Variants in CCT8 observed in about 807,000 individuals in gnomAD.
The protein encoded by CCT8 is T-complex protein 1 subunit theta.
In CCT8, 10 loss-of-function variants were observed where a neutral mutation model predicts 65.7. That is an observed-to-expected ratio of 0.15 (90% CI 0.09 to 0.26). The LOEUF (loss-of-function observed/expected upper bound fraction) is 0.26, where lower values mean the gene tolerates loss of function less well. Among genes scored for constraint, CCT8 ranks in the 10% least tolerant of loss-of-function variants. The pLI, the probability that CCT8 is intolerant of heterozygous loss-of-function variation, is 1.00. For missense variants in CCT8, 568 were observed against 669.1 expected (o/e 0.85, Z 1.67); for synonymous variants, 199 against 221.8 (o/e 0.90, Z 0.92).
chr21:29,057,987 C>T (rs994508595), intron 14 of CCT8: 13 of 151,858 alleles, frequency 8.6e-5, no homozygotes, highest in Non-Finnish European at 1.6e-4. Flanking sequence ...CCACTGTCCT[C>T]CAGCCTGGGT....
At chr21:29,073,418 G>A (rs974336973) in intron 1 of CCT8, 113 bp downstream of exon 1, 7 of 1,554,918 alleles carry the variant, frequency 4.5e-6, no homozygotes, top group Admixed American at 3.8e-5. Context: ...CTCTTCCCCC[G>A]GCCGCTGAGC....
intron 1 of CCT8, chr21:29,071,883 C>G (rs2085684000): frequency 1.4e-6 from 1 of 695,788 alleles, no homozygotes; most frequent in East Asian, 2.7e-5. Context: ...GGATAAAATG[C>G]AAATCCCTTT....
Position 29,056,701 on chromosome 21 carries a change from G to C in CCT8, c.1570-149C>G, listed in dbSNP as rs1000658467. ...AAACACTACAGCACAGAGTTTGCTAGCTCCCTTGTTAGAAATTCAATTGTA... is the reference window on the plus strand; with the variant it reads ...AAACACTACAGCACAGAGTTTGCTACCTCCCTTGTTAGAAATTCAATTGTA... On this transcript the variant is annotated intron_variant, in intron 14 of 14. Coordinates refer to ENST00000286788, the MANE Select transcript of CCT8 (RefSeq NM_006585.4). The C allele has an allele frequency of 2.9e-5, 12 of 418,842 alleles. No homozygotes were observed. The Admixed American group carries it at 5.3e-4, about 18-fold the overall frequency. 25.9% of individuals were successfully genotyped at this position (418,842 alleles called of 1,614,324 possible).
In CCT8 at chr21:29,056,458, T is replaced by A; in HGVS notation, c.*17A>T. The A allele has an allele frequency of 6.9e-7, 1 of 1,455,714 alleles. No individual in the cohort carries two copies. Among genetic ancestry groups the A allele is most frequent in the Non-Finnish European group, 9.2e-7 (1 of 1,081,928 alleles). 90.2% of individuals were successfully genotyped at this position (1,455,714 alleles called of 1,614,324 possible). On this transcript the variant is annotated 3_prime_UTR_variant, in exon 15 of 15. Coordinates refer to ENST00000286788, the MANE Select transcript of CCT8 (RefSeq NM_006585.4). Reference sequence around the variant, plus strand: ...CTACAAATACAGCCTTCACCTACAGTAAAAATTAAGCCAATTTCAATCATT... The same window carrying A: ...CTACAAATACAGCCTTCACCTACAGAAAAAATTAAGCCAATTTCAATCATT...
chr21:29,066,631 A>ATTT, intron 6 of CCT8, 85 bp downstream of exon 6: 9 of 666,624 alleles, frequency 1.4e-5, no homozygotes, highest in South Asian at 2.3e-5. Context: ...AGATGAACAC[A>ATTT]TTTTTTTTTT....
rs774025731 is a variant in CCT8, at chr21:29,060,575, G to A, written c.1535C>T (p.Thr512Ile). 1 of 1,613,850 alleles carries A rather than the reference G, an allele frequency of 6.2e-7. No homozygotes were observed. The highest frequency in any genetic ancestry group is 1.7e-5 in the Admixed American group (1 of 60,014). Residue 512 changes from threonine (T) to isoleucine (I), a missense_variant, in exon 14 of 15, where the codon ACT (threonine) becomes ATT (isoleucine). Thr to Ile is a moderately conservative substitution (Grantham distance 89, BLOSUM62 -1). Coordinates refer to ENST00000286788, the MANE Select transcript of CCT8 (RefSeq NM_006585.4). ...TCTAAGTACAGTGACTGCAGCATTAGTAGCGAGTTTGATAGCCCAATATTT... is the reference window on the plus strand; with the variant it reads ...TCTAAGTACAGTGACTGCAGCATTAATAGCGAGTTTGATAGCCCAATATTT... ...LGKYWAIKLA[T>I]NAAVTVLRVD...
intron 13 of CCT8, 131 bp downstream of exon 13, chr21:29,061,121 TA>T: frequency 1.3e-6 from 1 of 752,186 alleles, no homozygotes; most frequent in Non-Finnish European, 2.2e-6. Flanking sequence ...ACAACCTATG[TA>T]AAAACTAAGA....
intron 1 of CCT8, 80 bp from the exon 2 acceptor site, chr21:29,070,417 C>T (rs1353447688): frequency 1.3e-6 from 1 of 778,232 alleles, no homozygotes; most frequent in Non-Finnish European, 2.0e-6. Context: ...GATATCTTTG[C>T]TTATATCTTG....
Position 29,060,653 on chromosome 21 carries a change from A to T in CCT8, c.1457T>A (p.Val486Asp), listed in dbSNP as rs749225813. The part of the protein sequence containing the change: ...KNVGLDIEAE[V>D]PAVKDMLEAG... Reference sequence around the variant, plus strand: ...TTCCAGCATGTCCTTTACAGCAGGGACTTCAGCCTGTCAAACACAATTTTC... The same window carrying T: ...TTCCAGCATGTCCTTTACAGCAGGGTCTTCAGCCTGTCAAACACAATTTTC... The change falls in exon 14 of 15, where the codon GTC (valine) becomes GAC (aspartate). Residue 486 changes from valine to aspartate, a missense_variant. By Grantham distance (152) the Val-to-Asp change is radical (BLOSUM62 -3). Transcript: ENST00000286788. The T allele has an allele frequency of 1.2e-6, 2 of 1,611,856 alleles. No homozygotes were observed. Among genetic ancestry groups the T allele is most frequent in the Non-Finnish European group, 1.7e-6 (2 of 1,179,262 alleles).
Position 29,062,121 on chromosome 21 carries a change from T to A in CCT8, c.1212+7A>T, listed in dbSNP as rs746174135. 3.8e-5 allele frequency: 59 copies of A among 1,557,246 alleles called. 1 individual carries two copies. In the South Asian group the frequency reaches 6.1e-4, roughly 16 times the overall value. Reference sequence around the variant, plus strand: ...TACAAACTACTAAGAATATTGCTGATACTGACCCTTGTAAGAACTTTGAAA... The same window carrying A: ...TACAAACTACTAAGAATATTGCTGAAACTGACCCTTGTAAGAACTTTGAAA... On this transcript the variant is annotated splice_region_variant and intron_variant, in intron 11 of 14. Transcript: ENST00000286788.
chr21:29,071,587 A>C (rs2085680911), intron 1 of CCT8, among the ~76,000 whole-genome samples: 1 of 151,906 alleles, frequency 6.6e-6, no homozygotes, highest in African/African-American at 2.4e-5. Context: ...TGAGAGGCGG[A>C]GTTTCACCAT....
chr21:29,073,226 C>T, intron 1 of CCT8: 1 of 1,265,654 alleles, frequency 7.9e-7, no homozygotes, highest in Non-Finnish European at 1.0e-6. Context: ...GGTGACGGGC[C>T]TTAGCCCCAT....
chr21:29,064,055 G>A (rs764319361), intron 7 of CCT8, among the ~76,000 whole-genome samples: 9 of 152,128 alleles, frequency 5.9e-5, no homozygotes, highest in South Asian at 2.1e-4. Context: ...TACCGTGCCC[G>A]GCCGAGAAGT....
intron 14 of CCT8, among the ~76,000 whole-genome samples, chr21:29,057,461 G>T (rs758838864): frequency 6.6e-6 from 1 of 151,510 alleles, no homozygotes; most frequent in Non-Finnish European, 1.5e-5. Flanking sequence ...CACTGCGCTC[G>T]GCTGGAAAAC....
chr21:29,063,608 G>A (rs1228690885), intron 7 of CCT8, 78 bp from the exon 8 acceptor site: 5 of 1,439,630 alleles, frequency 3.5e-6, no homozygotes, highest in Admixed American at 3.8e-5. Context: ...ATAGTTGACT[G>A]AAGAAATAAA....
rs2085630424 is a variant in CCT8, at chr21:29,066,956, G to A, written c.497C>T (p.Thr166Ile). ...ACCATATTGTTTACTCATTATGGAGGTACGAAGTAGAGATGAGACTTCATC... is the reference window on the plus strand; with the variant it reads ...ACCATATTGTTTACTCATTATGGAGATACGAAGTAGAGATGAGACTTCATC... ...DIDEVSSLLR[T>I]SIMSKQYGNE... Residue 166 changes from threonine (T) to isoleucine (I), a missense_variant, in exon 5 of 15, where the codon ACC (threonine) becomes ATC (isoleucine). Thr to Ile is a moderately conservative substitution (Grantham distance 89, BLOSUM62 -1). Transcript: ENST00000286788. 1 of 1,613,314 alleles carries A rather than the reference G, an allele frequency of 6.2e-7. No individual in the cohort carries two copies. The highest frequency in any genetic ancestry group is 1.1e-5 in the South Asian group (1 of 91,046).
rs1412308482 is a variant in CCT8 at position 29,069,423 on chromosome 21, T to G, written c.231A>C (p.Glu77Asp). The G allele has an allele frequency of 3.9e-6, 6 of 1,557,128 alleles. No individual in the cohort carries two copies. The highest frequency in any genetic ancestry group is 4.4e-6 in the Non-Finnish European group (5 of 1,149,366). ...NDAATILRELEVQHPAAKMIV... is the reference protein window; with the variant it reads ...NDAATILRELDVQHPAAKMIV... ...TTGACTTTTTAAAGAAACAACTTAC[T>G]TCTAGTTCTCTTAAAATAGTTGCTG... Residue 77 changes from glutamate to aspartate, a missense_variant and splice_region_variant, in exon 3 of 15, where the codon GAA (glutamate) becomes GAC (aspartate). Physicochemically the swap from Glu to Asp is conservative, Grantham distance 45 (BLOSUM62 2). Transcript: ENST00000286788.
chr21:29,061,612 A>G (rs762752300), intron 11 of CCT8, 45 bp from the exon 12 acceptor site: 3 of 1,571,088 alleles, frequency 1.9e-6, no homozygotes, highest in Non-Finnish European at 2.6e-6. Flanking sequence ...CACAAAACAA[A>G]TTCACTAAAA....
chr21:29,060,322 T>C (rs2085549084), intron 14 of CCT8, among the ~76,000 whole-genome samples: 1 of 152,128 alleles, frequency 6.6e-6, no homozygotes, highest in Non-Finnish European at 1.5e-5. Context: ...CTAAATTATT[T>C]GTACAAATGG....
Sources: gnomAD v4.1 joint callset for allele counts (sites outside exome capture counted in the v4.1 genomes callset) on GRCh38, gnomAD v4.1.1 for gene constraint, MANE v1.5 for transcripts, NCBI Gene and HGNC (gene_info 2026-07-23, HGNC 2026-07-21) for gene names.